Variants in OPHN1 observed in about 807,000 individuals in gnomAD.
OPHN1 encodes the protein oligophrenin-1.
Under a neutral mutation model 60.7 loss-of-function variants are expected in OPHN1, and 11 were observed. The observed-to-expected ratio is 0.18, with a 90% CI of 0.11 to 0.30. OPHN1 has a LOEUF of 0.30. Among genes scored for constraint, OPHN1 ranks in the 10% least tolerant of loss-of-function variants. OPHN1 has a pLI of 1.00. For missense variants in OPHN1, 449 were observed against 611.0 expected, an observed-to-expected ratio of 0.73 and a Z score of 2.80; for synonymous variants, 226 against 222.6, an observed-to-expected ratio of 1.02 and a Z score of -0.14.
At chrX:68,082,157 G>A (rs922765586) in intron 19 of OPHN1, among the ~76,000 whole-genome samples, 2 of 111,897 alleles carry the variant, frequency 1.8e-5, no homozygotes, top group African/African-American at 6.5e-5. Context: ...TAGTTCTCTT[G>A]CTATTTCTAC....
chrX:68,408,377 C>T (rs2078754045), intron 2 of OPHN1, among the ~76,000 whole-genome samples: 1 of 111,849 alleles, frequency 8.9e-6, no homozygotes, highest in Non-Finnish European at 1.9e-5. Context: ...CACTTCACCT[C>T]CAAATCCCTA....
chrX:68,096,993 G>A lies in OPHN1; in HGVS notation c.1563C>T (p.Pro521=), dbSNP rs1362650253. 3 of 1,210,154 alleles carry A rather than the reference G, an allele frequency of 2.5e-6. No homozygotes were observed. The highest frequency in any genetic ancestry group is 4.4e-5 in the Admixed American group (2 of 45,886). The change falls in exon 19 of 25, where the codon CCC becomes CCT. Residue 521 remains proline, a synonymous_variant. Coordinates refer to ENST00000355520, the MANE Select transcript of OPHN1 (RefSeq NM_002547.3). ...CEHSKENLMT[P]SNMGVIFGPT... is the part of the protein sequence containing the mutation. ...GCCCAAAGATTACTCCCATGTTGGAGGGGGTCATAAGATTCTCTTTGCTGT... is the reference window on the plus strand; with the variant it reads ...GCCCAAAGATTACTCCCATGTTGGAAGGGGTCATAAGATTCTCTTTGCTGT...
At position 68,214,062 on chromosome X, in the gene OPHN1, T is replaced by C. The variant is rs905659475; in HGVS notation, c.487-90A>G. ...GATTGAACAGAATGCTAGAGCTAGA[T>C]GAGCATTTAGCCACCAACTAGTGAT... is the stretch of plus-strand genomic sequence containing the variant. On this transcript the variant is annotated intron_variant, in intron 6 of 24. Coordinates refer to ENST00000355520, the MANE Select transcript of OPHN1 (RefSeq NM_002547.3). 3 of 563,765 alleles carry C rather than the reference T, an allele frequency of 5.3e-6. No homozygotes were observed. The South Asian group carries it at 7.5e-5, about 14-fold the overall frequency. The allele number at this position is 563,765 out of a possible 1,213,427, so 46.5% of individuals were successfully genotyped here.
intron 4 of OPHN1, among the ~76,000 whole-genome samples, chrX:68,282,623 T>C (rs909436512): frequency 2.7e-5 from 3 of 112,080 alleles, no homozygotes; most frequent in African/African-American, 9.7e-5. Flanking sequence ...TGATGTTTAA[T>C]AATAGGGAAA....
intron 15 of OPHN1, among the ~76,000 whole-genome samples, chrX:68,169,852 G>A (rs1439842799): frequency 1.1e-4 from 11 of 104,669 alleles, no homozygotes; most frequent in East Asian, 8.7e-4. Flanking sequence ...AGGCATTACC[G>A]TTCAGGACAT....
intron 2 of OPHN1, among the ~76,000 whole-genome samples, chrX:68,414,537 A>T (rs2078784808): frequency 8.9e-6 from 1 of 112,560 alleles, no homozygotes; most frequent in Non-Finnish European, 1.9e-5. Context: ...ATGTTTTTTT[A>T]AAATATATAC....
intron 2 of OPHN1, among the ~76,000 whole-genome samples, chrX:68,398,667 G>A (rs1387640306): frequency 9.0e-6 from 1 of 111,513 alleles, no homozygotes; most frequent in Admixed American, 9.6e-5. Context: ...TACAAAATCT[G>A]GCCAGGCCCA....
At chrX:68,231,832 C>T (rs1417871006) in intron 6 of OPHN1, among the ~76,000 whole-genome samples, 1 of 111,291 alleles carries the variant, frequency 9.0e-6, no homozygotes, top group Non-Finnish European at 1.9e-5. Context: ...TTCAAGGCAG[C>T]GAAACTGTCC....
At chrX:68,107,806 C>A (rs2077087906) in intron 18 of OPHN1, among the ~76,000 whole-genome samples, 1 of 111,922 alleles carries the variant, frequency 8.9e-6, no homozygotes, top group South Asian at 3.8e-4. Context: ...TAACTTTGAT[C>A]AATTACTTAA....
chrX:68,322,047 CTGCAGCCTCA>C (rs1315580142), intron 2 of OPHN1, among the ~76,000 whole-genome samples: 1 of 111,343 alleles, frequency 9.0e-6, no homozygotes, highest in African/African-American at 3.3e-5. Flanking sequence ...TCATGGCTCA[CTGCAGCCTCA>C]ACTACCTGGC....
At chrX:68,058,268 ACAC>A (rs1192420553) in intron 21 of OPHN1, among the ~76,000 whole-genome samples, 1 of 110,619 alleles carries the variant, frequency 9.0e-6, no homozygotes, top group Non-Finnish European at 1.9e-5. Context: ...TAACACACAC[ACAC>A]ACACACACAC....
chrX:68,168,330 G>A (rs1034462725), intron 15 of OPHN1, among the ~76,000 whole-genome samples: 2 of 111,515 alleles, frequency 1.8e-5, no homozygotes, highest in African/African-American at 6.5e-5. Context: ...AATCAAACTA[G>A]AACTCAGGAT....
At chrX:68,227,067 C>T (rs925609912) in intron 6 of OPHN1, among the ~76,000 whole-genome samples, 1 of 110,680 alleles carries the variant, frequency 9.0e-6, no homozygotes, top group Non-Finnish European at 1.9e-5. Context: ...GGAAGATCTA[C>T]CAAGCAAATG....
chrX:68,271,036 A>ATGT (rs2077965844), intron 5 of OPHN1, among the ~76,000 whole-genome samples: 1 of 111,577 alleles, frequency 9.0e-6, no homozygotes, highest in Non-Finnish European at 1.9e-5. Flanking sequence ...GTAAGGGCCT[A>ATGT]ATATAGCACC....
chrX:68,137,117 T>C (rs2077223729), intron 15 of OPHN1, among the ~76,000 whole-genome samples: 1 of 111,573 alleles, frequency 9.0e-6, no homozygotes, highest in South Asian at 3.8e-4. Context: ...AAAACATGAG[T>C]TAAATCATAG....
intron 18 of OPHN1, among the ~76,000 whole-genome samples, chrX:68,104,593 G>A (rs1346541035): frequency 1.8e-5 from 2 of 111,920 alleles, no homozygotes; most frequent in African/African-American, 3.2e-5. Flanking sequence ...AAATGGTGTT[G>A]GGAAAACTGG....
At chrX:68,411,224 T>C (rs967801967) in intron 2 of OPHN1, among the ~76,000 whole-genome samples, 5 of 112,051 alleles carry the variant, frequency 4.5e-5, no homozygotes, top group South Asian at 7.5e-4. Flanking sequence ...GGGGGTTTGG[T>C]GTACAGATTA....
intron 5 of OPHN1, among the ~76,000 whole-genome samples, chrX:68,242,729 T>C (rs2077787630): frequency 8.9e-6 from 1 of 112,048 alleles, no homozygotes; most frequent in Admixed American, 9.5e-5. Flanking sequence ...TGGAATATTA[T>C]TAACCCATAA....
chrX:68,217,154 A>G (rs2077614976), intron 6 of OPHN1, among the ~76,000 whole-genome samples: 1 of 111,957 alleles, frequency 8.9e-6, no homozygotes, highest in African/African-American at 3.2e-5. Context: ...TCTGAGTCAA[A>G]GAAAGGGGTG....
Sources: allele counts gnomAD v4.1 joint callset (sites outside exome capture counted in the v4.1 genomes callset), GRCh38; gene constraint gnomAD v4.1.1; transcripts MANE v1.5; gene names NCBI Gene and HGNC (gene_info 2026-07-23, HGNC 2026-07-21).